The following KSR2 variants were observed in gnomAD, a reference collection of about 807,000 sequenced individuals.
The protein encoded by KSR2 is kinase suppressor of ras 2.
A neutral mutation model predicts 107.8 loss-of-function variants in KSR2; 25 were observed. The ratio of observed to expected loss-of-function variants is 0.23; its 90% confidence interval spans 0.17 to 0.32. KSR2 has a LOEUF of 0.32. Ranked by LOEUF, KSR2 falls within the 10% of genes least tolerant of loss-of-function variation. The probability of loss-of-function intolerance (pLI) is 1.00; values close to 1 mark genes in which losing one functional copy is unlikely to be tolerated. For missense variants in KSR2, 887 were observed against 1,268.9 expected (o/e 0.70, Z 4.57); for synonymous variants, 480 against 507.0 (o/e 0.95, Z 0.71).
intron 14 of KSR2, among the ~76,000 whole-genome samples, chr12:117,501,223 C>T (rs1873356777): frequency 6.6e-6 from 1 of 152,196 alleles, no homozygotes; most frequent in Non-Finnish European, 1.5e-5. Flanking sequence ...TACTTTTTGT[C>T]TGCAAATTGT....
At chr12:117,607,877 G>T (rs892470171) in intron 5 of KSR2, among the ~76,000 whole-genome samples, 3 of 152,208 alleles carry the variant, frequency 2.0e-5, no homozygotes, top group African/African-American at 7.2e-5. Context: ...CAGAGTCAGG[G>T]TACAGAAGAG....
chr12:117,683,946 G>A lies in KSR2; in HGVS notation c.987-16288C>T, dbSNP rs527954991. ...AAGTGAACACGTATGACCATGTTCC[G>A]ATAAAGCTATTTACAAAAATAGGCA... is the stretch of plus-strand genomic sequence containing the variant. On this transcript the variant is annotated intron_variant, in intron 4 of 19. Coordinates refer to ENST00000339824, the MANE Select transcript of KSR2 (RefSeq NM_173598.6). Among the ~76,000 whole-genome samples the A allele has an allele frequency of 1.1e-4, 17 of 152,292 alleles. No homozygotes were observed. In the South Asian group the frequency reaches 2.1e-3, roughly 19 times the overall value.
intron 3 of KSR2, among the ~76,000 whole-genome samples, chr12:117,821,390 T>A (rs1157555569): frequency 6.6e-6 from 1 of 152,246 alleles, no homozygotes; most frequent in East Asian, 1.9e-4. Context: ...AAGACCTTTA[T>A]GATGATCTAC....
chr12:117,543,214 G>T (rs756861783), intron 9 of KSR2, among the ~76,000 whole-genome samples: 1 of 152,162 alleles, frequency 6.6e-6, no homozygotes, highest in African/African-American at 2.4e-5. Context: ...CTGTTCTCTA[G>T]AGTAGCTGCA....
At chr12:117,879,555 AAATAAAAAAT>A (rs1756358700) in intron 1 of KSR2, among the ~76,000 whole-genome samples, 1 of 152,182 alleles carries the variant, frequency 6.6e-6, no homozygotes, top group Admixed American at 6.5e-5. Context: ...TCTCTACAAA[AAATAAAAAAT>A]AATTAGCCAG....
At chr12:117,491,954 C>G (rs186723124) in intron 14 of KSR2, among the ~76,000 whole-genome samples, 30 of 152,358 alleles carry the variant, frequency 2.0e-4, no homozygotes, top group African/African-American at 7.0e-4. Context: ...TACAGTCCAT[C>G]TGGAGGTCAG....
At chr12:117,474,483 T>C (rs1188309006) in intron 17 of KSR2, among the ~76,000 whole-genome samples, 1 of 151,998 alleles carries the variant, frequency 6.6e-6, no homozygotes, top group African/African-American at 2.4e-5. Flanking sequence ...CTCTGTAACA[T>C]CTCTCGGTGG....
intron 14 of KSR2, among the ~76,000 whole-genome samples, chr12:117,524,151 T>G (rs1874951700): frequency 6.6e-6 from 1 of 152,132 alleles, no homozygotes; most frequent in African/African-American, 2.4e-5. Context: ...CTACAGAAAC[T>G]GTACAACCCA....
intron 4 of KSR2, among the ~76,000 whole-genome samples, chr12:117,744,556 G>A (rs1421132087): frequency 2.0e-5 from 3 of 152,172 alleles, no homozygotes; most frequent in Non-Finnish European, 1.5e-5. Flanking sequence ...CCAAGATCTA[G>A]CAGAGAGGTT....
chr12:117,859,423 G>A (rs1188056742), intron 2 of KSR2, among the ~76,000 whole-genome samples: 6 of 150,870 alleles, frequency 4.0e-5, no homozygotes, highest in African/African-American at 9.8e-5. Context: ...ATGAGCCACC[G>A]CGCCTGGCCT....
At chr12:117,855,009 T>A (rs536190759) in intron 3 of KSR2, among the ~76,000 whole-genome samples, 6 of 152,300 alleles carry the variant, frequency 3.9e-5, no homozygotes, top group South Asian at 4.2e-4. Flanking sequence ...GTGATTTTTT[T>A]AAAATCTATT....
At chr12:117,705,496 C>T (rs1886488249) in intron 4 of KSR2, among the ~76,000 whole-genome samples, 1 of 152,200 alleles carries the variant, frequency 6.6e-6, no homozygotes, top group Non-Finnish European at 1.5e-5. Flanking sequence ...CCCCAAGGGA[C>T]ACCTAGCAGA....
In KSR2 at chr12:117,795,412, T is replaced by C. The variant is rs368736708; in HGVS notation, c.473-33888A>G. Among the ~76,000 whole-genome samples, 7 of 152,132 alleles carry C rather than the reference T, an allele frequency of 4.6e-5. No homozygotes were observed. In the East Asian group the frequency reaches 1.4e-3, roughly 29 times the overall value. ...CCACCTTTTCACACGGAGCTCAGCATGCCAAGTGGAACAGACTGGAATGCC... is the reference window on the plus strand; with the variant it reads ...CCACCTTTTCACACGGAGCTCAGCACGCCAAGTGGAACAGACTGGAATGCC... On this transcript the variant is annotated intron_variant, in intron 3 of 19. Transcript: ENST00000339824.
chr12:117,824,279 G>A (rs571932658), intron 3 of KSR2, among the ~76,000 whole-genome samples: 12 of 152,062 alleles, frequency 7.9e-5, no homozygotes, highest in East Asian at 5.8e-4. Flanking sequence ...GGGGTATGAC[G>A]ACAAGTTGGA....
chr12:117,877,955 C>G (rs1043354232), intron 1 of KSR2, among the ~76,000 whole-genome samples: 4 of 152,162 alleles, frequency 2.6e-5, no homozygotes, highest in African/African-American at 9.7e-5. Flanking sequence ...CTTTGCCGCC[C>G]GGCCCTATGA....
At chr12:117,912,065 T>G (rs369954454) in intron 1 of KSR2, among the ~76,000 whole-genome samples, 2 of 152,224 alleles carry the variant, frequency 1.3e-5, no homozygotes, top group South Asian at 2.1e-4. Flanking sequence ...GGTTTGGCAT[T>G]TAAAAAATTT....
rs867823437 is a variant in KSR2 at position 117,772,274 on chromosome 12, C to G, written c.473-10750G>C. On this transcript the variant is annotated intron_variant, in intron 3 of 19. Coordinates refer to ENST00000339824, the MANE Select transcript of KSR2 (RefSeq NM_173598.6). ...CACATACACACCATTCCCCCAAAGACGCACACACACTCACACATACACACC... is the reference window on the plus strand; with the variant it reads ...CACATACACACCATTCCCCCAAAGAGGCACACACACTCACACATACACACC... 5.6e-4 allele frequency among the ~76,000 whole-genome samples: 72 copies of G among 129,206 alleles called. 1 individual carries two copies. Among genetic ancestry groups the G allele is most frequent in the African/African-American group, 1.8e-3 (62 of 34,230 alleles). 84.8% of individuals were successfully genotyped at this position (129,206 alleles called of 152,430 possible).
intron 4 of KSR2, among the ~76,000 whole-genome samples, chr12:117,703,776 CG>C (rs1319771913): frequency 6.6e-6 from 1 of 152,122 alleles, no homozygotes. Flanking sequence ...CCTGCTCTGC[CG>C]GGGCATACGT....
chr12:117,748,247 C>T lies in KSR2; in HGVS notation c.986+12764G>A, dbSNP rs182188247. Among the ~76,000 whole-genome samples the T allele has an allele frequency of 2.8e-4, 43 of 152,122 alleles. No individual in the cohort carries two copies. In the East Asian group the frequency reaches 7.9e-3, roughly 28 times the overall value. ...TAATCTCACTTTGAAAAGTCAAACT[C>T]GTAAAAGTAGAGAATAGAATGGTGG... On this transcript the variant is annotated intron_variant, in intron 4 of 19. Coordinates refer to ENST00000339824, the MANE Select transcript of KSR2 (RefSeq NM_173598.6).
Sources: gnomAD v4.1 joint callset for allele counts (sites outside exome capture counted in the v4.1 genomes callset) on GRCh38, gnomAD v4.1.1 for gene constraint, MANE v1.5 for transcripts, NCBI Gene and HGNC (gene_info 2026-07-23, HGNC 2026-07-21) for gene names.